DNAJC5B: variants seen among roughly 807,000 people sequenced by gnomAD.
DNAJC5B encodes the protein dnaJ homolog subfamily C member 5B.
A neutral mutation model predicts 24.7 loss-of-function variants in DNAJC5B; 23 were observed. That is an observed-to-expected ratio of 0.93 (90% CI 0.67 to 1.32). The LOEUF (loss-of-function observed/expected upper bound fraction) is 1.32. Among genes scored for constraint, DNAJC5B ranks in the 40% most tolerant of loss-of-function variants. The pLI, the probability that DNAJC5B is intolerant of heterozygous loss-of-function variation, is 0.00. For missense variants in DNAJC5B, 238 were observed against 240.8 expected (o/e 0.99, Z 0.08); for synonymous variants, 101 against 90.1 (o/e 1.12, Z -0.68).
chr8:66,054,761 A>C (rs1806926810), intron 3 of DNAJC5B, among the ~76,000 whole-genome samples: 1 of 152,056 alleles, frequency 6.6e-6, no homozygotes, highest in South Asian at 2.1e-4. Flanking sequence ...TTGCTGTTTC[A>C]TTTTGCCCTA....
At chr8:66,089,272 TG>T (rs1349581577) in intron 5 of DNAJC5B, among the ~76,000 whole-genome samples, 1 of 152,138 alleles carries the variant, frequency 6.6e-6, no homozygotes, top group Non-Finnish European at 1.5e-5. Context: ...GAGAACAGCA[TG>T]GGGGAAACCG....
At chr8:66,035,408 C>G (rs190665230) in intron 1 of DNAJC5B, among the ~76,000 whole-genome samples, 1 of 152,240 alleles carries the variant, frequency 6.6e-6, no homozygotes, top group African/African-American at 2.4e-5. Flanking sequence ...TAAGATGAGG[C>G]CTTACTGGAG....
chr8:66,069,906 T>A (rs1014634354), intron 3 of DNAJC5B, among the ~76,000 whole-genome samples: 1 of 152,222 alleles, frequency 6.6e-6, no homozygotes, highest in Non-Finnish European at 1.5e-5. Flanking sequence ...TGCTTCAACA[T>A]ATGCAAATCA....
rs569826146 is a variant in DNAJC5B at position 66,097,291 on chromosome 8, T to G, written c.506-2646T>G. Among the ~76,000 whole-genome samples the G allele has an allele frequency of 7.8e-4, 119 of 152,018 alleles. 2 individuals carry two copies. The South Asian group carries it at 0.023, about 30-fold the overall frequency. On this transcript the variant is annotated intron_variant, in intron 5 of 5. Transcript: ENST00000276570. ...GATTTGGAAATTATATTCTCTTTTC[T>G]GTTCTTTTGGAATTACCCTGAAAAT...
chr8:66,041,996 A>C (rs1806620662), intron 1 of DNAJC5B, among the ~76,000 whole-genome samples: 1 of 152,156 alleles, frequency 6.6e-6, no homozygotes, highest in Non-Finnish European at 1.5e-5. Context: ...AGTTCTTTTC[A>C]GATCTCTGCC....
chr8:66,074,624 C>T (rs145541890), intron 3 of DNAJC5B, among the ~76,000 whole-genome samples: 2 of 152,278 alleles, frequency 1.3e-5, no homozygotes, highest in East Asian at 1.9e-4. Flanking sequence ...GTAGAAATGA[C>T]AACAAATGCC....
At chr8:66,020,240 T>C (rs924563506), upstream of DNAJC5B, among the ~76,000 whole-genome samples, 1 of 152,186 alleles carries the variant, frequency 6.6e-6, no homozygotes. Context: ...ATCCAGAAAA[T>C]TATACTGAAA....
intron 1 of DNAJC5B, among the ~76,000 whole-genome samples, chr8:66,027,362 C>T (rs1806268376): frequency 6.6e-6 from 1 of 152,198 alleles, no homozygotes; most frequent in African/African-American, 2.4e-5. Context: ...TGTCCCGTCT[C>T]TTCTGCCTGG....
chr8:66,033,075 C>G lies in DNAJC5B; in HGVS notation c.-141-10413C>G, dbSNP rs143018344. Among the ~76,000 whole-genome samples, 618 of 152,332 alleles carry G rather than the reference C, an allele frequency of 4.1e-3. 5 individuals are homozygous for G. Among genetic ancestry groups the G allele is most frequent in the African/African-American group, 0.014 (597 of 41,574 alleles). Reference sequence around the variant, plus strand: ...TCCCCAAGTTCACACAGTTAGAAGCCAAGCCATCCGTATCCCAGTCCAGTG... The same window carrying G: ...TCCCCAAGTTCACACAGTTAGAAGCGAAGCCATCCGTATCCCAGTCCAGTG... On this transcript the variant is annotated intron_variant, in intron 1 of 5. Coordinates refer to ENST00000276570, the MANE Select transcript of DNAJC5B (RefSeq NM_033105.6).
chr8:66,036,083 A>G (rs1165709087), intron 1 of DNAJC5B, among the ~76,000 whole-genome samples: 13 of 152,198 alleles, frequency 8.5e-5, no homozygotes, highest in Non-Finnish European at 1.6e-4. Context: ...TGCATTCTGT[A>G]TTTAAATTAA....
chr8:66,054,700 A>G (rs1477212808), intron 3 of DNAJC5B, among the ~76,000 whole-genome samples: 1 of 152,256 alleles, frequency 6.6e-6, no homozygotes, highest in Non-Finnish European at 1.5e-5. Context: ...AAAACTCAAT[A>G]TCAATCTTCT....
chr8:66,036,871 C>A (rs1269644713), intron 1 of DNAJC5B, among the ~76,000 whole-genome samples: 2 of 152,182 alleles, frequency 1.3e-5, no homozygotes, highest in African/African-American at 2.4e-5. Flanking sequence ...TGGATGTTCA[C>A]GCCCAGGGCC....
upstream of DNAJC5B, among the ~76,000 whole-genome samples, chr8:66,016,857 G>A (rs544541563): frequency 7.5e-4 from 114 of 152,318 alleles, no homozygotes; most frequent in African/African-American, 2.7e-3. Flanking sequence ...GGGAAAGTTA[G>A]ACCAATATTA....
At chr8:66,034,478 G>A (rs113994343) in intron 1 of DNAJC5B, among the ~76,000 whole-genome samples, 14 of 152,082 alleles carry the variant, frequency 9.2e-5, no homozygotes, top group Non-Finnish European at 1.6e-4. Flanking sequence ...AACAGGGAAA[G>A]AGCTGAAGAA....
chr8:66,091,336 G>A (rs116414619), intron 5 of DNAJC5B, among the ~76,000 whole-genome samples: 9,638 of 152,164 alleles, frequency 0.063, 436 homozygotes, highest in African/African-American at 0.12. Flanking sequence ...CCTCACCTGC[G>A]TGCAGGTTGA....
chr8:66,083,696 A>G (rs1044873530), intron 5 of DNAJC5B, among the ~76,000 whole-genome samples: 5 of 152,162 alleles, frequency 3.3e-5, no homozygotes, highest in African/African-American at 7.2e-5. Context: ...GTAGGAATCT[A>G]CCTAAAGTCA....
chr8:66,038,149 A>T (rs538321904), intron 1 of DNAJC5B, among the ~76,000 whole-genome samples: 2 of 152,320 alleles, frequency 1.3e-5, no homozygotes, highest in South Asian at 2.1e-4. Context: ...CCAGTTCCAG[A>T]TTTGTGACCC....
At chr8:66,079,649 A>C (rs368471502) in intron 4 of DNAJC5B, among the ~76,000 whole-genome samples, 7 of 152,184 alleles carry the variant, frequency 4.6e-5, no homozygotes, top group African/African-American at 1.2e-4. Flanking sequence ...AGATCACCAT[A>C]ATAAGGATCT....
At chr8:66,051,500 A>C in intron 2 of DNAJC5B, 31 bp from the exon 3 acceptor site, 1 of 1,362,950 alleles carries the variant, frequency 7.3e-7, no homozygotes, top group Non-Finnish European at 1.0e-6. Context: ...AGTAGTGTGC[A>C]TAACCTTCAT....
Sources: gnomAD v4.1 joint callset for allele counts (sites outside exome capture counted in the v4.1 genomes callset) on GRCh38, gnomAD v4.1.1 for gene constraint, MANE v1.5 for transcripts, NCBI Gene and HGNC (gene_info 2026-07-23, HGNC 2026-07-21) for gene names.